The following RAB27A variants were observed in gnomAD, a reference collection of about 807,000 sequenced individuals.
The protein encoded by RAB27A is RAB27A, member RAS oncogene family, also known as ras-related protein Rab-27A.
In RAB27A, 17 loss-of-function variants were observed where a neutral mutation model predicts 20.8. That is an observed-to-expected ratio of 0.82 (90% CI 0.56 to 1.23). The LOEUF (loss-of-function observed/expected upper bound fraction) is 1.23, where lower values mean the gene tolerates loss of function less well. Ranked by LOEUF, RAB27A falls within the 50% of genes most tolerant of loss-of-function variation. The pLI is 0.00. For synonymous variants in RAB27A, 85 were observed against 92.8 expected, an observed-to-expected ratio of 0.92 and a Z score of 0.48; for missense variants, 277 against 266.7, an observed-to-expected ratio of 1.04 and a Z score of -0.27.
chr15:55,247,768 C>T (rs1896743003), intron 2 of RAB27A, among the ~76,000 whole-genome samples: 1 of 152,056 alleles, frequency 6.6e-6, no homozygotes. Flanking sequence ...CATGAGTTGG[C>T]AGTAACTGGG....
chr15:55,262,326 T>G (rs143014132), intron 2 of RAB27A, among the ~76,000 whole-genome samples: 5,800 of 151,994 alleles, frequency 0.038, 368 homozygotes, highest in African/African-American at 0.13. Flanking sequence ...CGAATCACAA[T>G]GTCAGGAGAT....
At chr15:55,244,940 G>GT (rs1350528725) in intron 2 of RAB27A, among the ~76,000 whole-genome samples, 1 of 151,956 alleles carries the variant, frequency 6.6e-6, no homozygotes, top group African/African-American at 2.4e-5. Flanking sequence ...GTTTTATTTT[G>GT]TTTTTGTTTT....
rs545344522 is a variant in RAB27A, at chr15:55,203,895, A to G, written c.*1612T>C. On this transcript the variant is annotated 3_prime_UTR_variant, in exon 7 of 7. Transcript: ENST00000336787. ...TATGGGAGTAGTGGAAGGACAGTGG[A>G]AAAAAAAATAGGTTTTTTCATGATA... 5 of 151,482 alleles carry G rather than the reference A, an allele frequency of 3.3e-5. No homozygotes were observed. Among genetic ancestry groups the G allele is most frequent in the South Asian group, 4.2e-4 (2 of 4,802 alleles). 9.4% of individuals were successfully genotyped at this position (151,482 alleles called of 1,614,324 possible).
At chr15:55,232,662 G>A (rs556547500) in intron 3 of RAB27A, among the ~76,000 whole-genome samples, 1 of 152,262 alleles carries the variant, frequency 6.6e-6, no homozygotes, top group South Asian at 2.1e-4. Context: ...TATCCTACAA[G>A]AAATACTACA....
chr15:55,315,800 TTGG>T (rs776413543), intron 1 of RAB27A, among the ~76,000 whole-genome samples: 2 of 152,106 alleles, frequency 1.3e-5, no homozygotes, highest in Admixed American at 6.5e-5. Flanking sequence ...TTTTACACTG[TTGG>T]TGGGAGTGTA....
In RAB27A at chr15:55,239,743, C is replaced by T. The variant is rs148776926; in HGVS notation, c.-22-4787G>A. Among the ~76,000 whole-genome samples the T allele has an allele frequency of 3.9e-5, 6 of 152,224 alleles. No individual in the cohort carries two copies. The East Asian group carries it at 7.7e-4, about 20-fold the overall frequency. On this transcript the variant is annotated intron_variant, in intron 2 of 6. Transcript: ENST00000336787. ...TCTAGAGTTTGTTCAAAACTGATCA[C>T]GCTGACCAGGCTGGTCTGGGTTAAA...
intron 2 of RAB27A, among the ~76,000 whole-genome samples, chr15:55,258,066 C>CAAA (rs553999609): frequency 2.1e-4 from 13 of 61,960 alleles, no homozygotes; most frequent in African/African-American, 6.3e-4. Flanking sequence ...GACTCAGTCT[C>CAAA]AAAAAAAAAA....
chr15:55,307,327 G>A (rs1432882402), intron 2 of RAB27A, among the ~76,000 whole-genome samples: 3 of 152,028 alleles, frequency 2.0e-5, no homozygotes, highest in African/African-American at 7.3e-5. Flanking sequence ...TTCTGTATGG[G>A]CTAAGTCCTG....
chr15:55,307,187 CG>C (rs1206362362), intron 2 of RAB27A, among the ~76,000 whole-genome samples: 2 of 151,888 alleles, frequency 1.3e-5, no homozygotes, highest in Non-Finnish European at 2.9e-5. Context: ...TCCCTCCTCT[CG>C]GGGACAGGCT....
intron 6 of RAB27A, among the ~76,000 whole-genome samples, chr15:55,221,012 C>T (rs1032156458): frequency 3.9e-5 from 6 of 152,146 alleles, no homozygotes; most frequent in Non-Finnish European, 7.3e-5. Flanking sequence ...GATTGAGCTC[C>T]TCTCTATGAA....
At chr15:55,265,663 G>A (rs8032594) in intron 2 of RAB27A, among the ~76,000 whole-genome samples, 84,902 of 151,596 alleles carry the variant, frequency 0.56, 25,040 homozygotes, top group East Asian at 0.75. Context: ...ACCAGGTTTC[G>A]AACCGTCAGG....
At chr15:55,219,453 G>A (rs930596177) in intron 6 of RAB27A, among the ~76,000 whole-genome samples, 4 of 152,182 alleles carry the variant, frequency 2.6e-5, no homozygotes, top group East Asian at 1.9e-4. Context: ...GCTAGCATGC[G>A]TCTTTGATAG....
At chr15:55,223,762 A>G in intron 6 of RAB27A, 127 bp downstream of exon 6, 1 of 1,152,452 alleles carries the variant, frequency 8.7e-7, no homozygotes, top group Non-Finnish European at 1.3e-6. Flanking sequence ...GGACACATTC[A>G]ACATGCCCCA....
intron 6 of RAB27A, among the ~76,000 whole-genome samples, chr15:55,215,459 T>C (rs898611719): frequency 8.2e-5 from 12 of 146,192 alleles, no homozygotes; most frequent in Non-Finnish European, 1.6e-4. Flanking sequence ...GAGACCATCC[T>C]GGCTAACACG....
chr15:55,260,506 T>C (rs1205102664), intron 2 of RAB27A, among the ~76,000 whole-genome samples: 2 of 152,250 alleles, frequency 1.3e-5, no homozygotes, highest in Non-Finnish European at 2.9e-5. Context: ...ATAGCAGCTT[T>C]ATTCATAATT....
intron 6 of RAB27A, among the ~76,000 whole-genome samples, chr15:55,221,443 T>C (rs1400210361): frequency 6.6e-6 from 1 of 152,164 alleles, no homozygotes; most frequent in Non-Finnish European, 1.5e-5. Flanking sequence ...CTGTTTCTTT[T>C]CCACTACGTT....
rs140792661 is a variant in RAB27A at position 55,305,321 on chromosome 15, G to A, written c.-112+8718C>T. 3.5e-3 allele frequency among the ~76,000 whole-genome samples: 527 copies of A among 152,290 alleles called. 2 individuals are homozygous for A. The highest frequency in any genetic ancestry group is 0.012 in the African/African-American group (492 of 41,570). On this transcript the variant is annotated intron_variant, in intron 2 of 5. Transcript: ENST00000563262. ...GGGGCTGTGCAGTTGAGATTTCCTC[G>A]GGAGAGGTGACTTTGATGTCATTAA...
At chr15:55,275,383 T>C (rs1201320830) in intron 1 of RAB27A, among the ~76,000 whole-genome samples, 2 of 152,082 alleles carry the variant, frequency 1.3e-5, no homozygotes, top group African/African-American at 2.4e-5. Context: ...TCCCAGCAGT[T>C]TGGGAACCCA....
At chr15:55,319,082 A>C (rs2055099276) in exon 1 of RAB27A, 2 of 789,448 alleles carry the variant, frequency 2.5e-6, no homozygotes, top group South Asian at 4.2e-5. Flanking sequence ...GGAAACGGCG[A>C]AAGGAAACCG....
Sources: gnomAD v4.1 joint callset for allele counts (sites outside exome capture counted in the v4.1 genomes callset) on GRCh38, gnomAD v4.1.1 for gene constraint, MANE v1.5 for transcripts, NCBI Gene and HGNC (gene_info 2026-07-23, HGNC 2026-07-21) for gene names.